SVOP: variants seen among roughly 807,000 people sequenced by gnomAD.
The protein encoded by SVOP is SV2 related protein, also known as synaptic vesicle 2-related protein.
Under a neutral mutation model 69.1 loss-of-function variants are expected in SVOP, and 17 were observed. That is an observed-to-expected ratio of 0.25 (90% CI 0.17 to 0.37). The LOEUF is 0.37. SVOP is among the 10% of genes least tolerant of loss of function. The pLI is 1.00. For missense variants in SVOP, 435 were observed against 597.5 expected, an observed-to-expected ratio of 0.73 and a Z score of 2.84; for synonymous variants, 238 against 238.6, an observed-to-expected ratio of 1.00 and a Z score of 0.02.
chr12:108,996,009 TACAC>T (rs148548353), intron 1 of SVOP, among the ~76,000 whole-genome samples: 1 of 151,514 alleles, frequency 6.6e-6, no homozygotes, highest in South Asian at 2.1e-4. Context: ...CATACATACA[TACAC>T]ACACACACGC....
At chr12:108,947,689 G>A (rs999366230) in intron 6 of SVOP, among the ~76,000 whole-genome samples, 1 of 152,072 alleles carries the variant, frequency 6.6e-6, no homozygotes, top group Non-Finnish European at 1.5e-5. Context: ...GACAGGGAAG[G>A]GAACTTTTAA....
chr12:108,915,872 C>T lies in SVOP; in HGVS notation c.1351G>A (p.Val451Ile). 1 of 1,599,944 alleles carries T rather than the reference C, an allele frequency of 6.3e-7. No homozygotes were observed. Residue 451 changes from valine (V) to isoleucine (I), a missense_variant and splice_region_variant, in exon 15 of 16, where the codon GTC becomes ATC. Val to Ile is a conservative substitution (Grantham distance 29, BLOSUM62 3). Coordinates refer to ENST00000610966, the MANE Select transcript of SVOP (RefSeq NM_018711.5). The stretch of plus-strand genomic sequence containing the variant: ...AGGGCCCGCGTTGCCGTGGGGTAGA[C>T]CTGAAACACAGCAGCCGGATATAGG... Reference protein sequence around the residue: ...FQAAYVYTPEVYPTATRALGL... With the variant: ...FQAAYVYTPEIYPTATRALGL...
chr12:108,962,880 G>A (rs1039745810), intron 5 of SVOP, among the ~76,000 whole-genome samples: 1 of 152,004 alleles, frequency 6.6e-6, no homozygotes, highest in South Asian at 2.1e-4. Context: ...CAGGAGAATT[G>A]CTTGAACCTG....
Position 108,946,690 on chromosome 12 carries a change from TTTATTATTATTATTA to T in SVOP, c.579-1539_579-1525del, listed in dbSNP as rs370752888. On this transcript the variant is annotated intron_variant, in intron 6 of 15. Transcript: ENST00000610966. ...TTTATTCCATGAGTTGCAACCTGTT[TTTATTATTATTATTA>T]TTATTATTATTATTATTATTATTAT... Among the ~76,000 whole-genome samples the T allele has an allele frequency of 1.7e-3, 238 of 136,514 alleles. 1 individual carries two copies. Among genetic ancestry groups the T allele is most frequent in the African/African-American group, 5.0e-3 (182 of 36,630 alleles). 89.6% of individuals were successfully genotyped at this position (136,514 alleles called of 152,430 possible).
At chr12:108,962,258 C>T (rs1366646571) in intron 5 of SVOP, among the ~76,000 whole-genome samples, 2 of 152,044 alleles carry the variant, frequency 1.3e-5, no homozygotes, top group Non-Finnish European at 2.9e-5. Flanking sequence ...GCCACCATGC[C>T]TGGCTAATTT....
At chr12:108,954,378 A>G (rs918484262) in intron 6 of SVOP, among the ~76,000 whole-genome samples, 1 of 152,192 alleles carries the variant, frequency 6.6e-6, no homozygotes, top group African/African-American at 2.4e-5. Flanking sequence ...CAATAAACAC[A>G]TGGAAGGGCT....
chr12:109,017,708 T>C (rs960058769), intron 1 of SVOP, among the ~76,000 whole-genome samples: 2 of 151,692 alleles, frequency 1.3e-5, no homozygotes, highest in Non-Finnish European at 2.9e-5. Context: ...GCCTGACTAA[T>C]TTTTTTTGTA....
At chr12:108,976,811 C>T (rs141841103) in intron 4 of SVOP, among the ~76,000 whole-genome samples, 101,727 of 151,796 alleles carry the variant, frequency 0.67, 34,589 homozygotes, top group East Asian at 0.79. Flanking sequence ...GATGGGGTTT[C>T]ACCATATTGG....
Position 109,016,870 on chromosome 12 carries a change from G to A in SVOP, c.35+3964C>T, listed in dbSNP as rs546298582. Among the ~76,000 whole-genome samples the A allele has an allele frequency of 8.6e-5, 13 of 151,640 alleles. No homozygotes were observed. In the South Asian group the frequency reaches 2.7e-3, roughly 31 times the overall value. On this transcript the variant is annotated intron_variant, in intron 1 of 15. Transcript: ENST00000610966. ...CAATCCTCCTGCCTCAGCCTCCCTAGTAGTTGGGGCCACAGGCATGAGCCA... is the reference window on the plus strand; with the variant it reads ...CAATCCTCCTGCCTCAGCCTCCCTAATAGTTGGGGCCACAGGCATGAGCCA...
chr12:108,991,614 C>T (rs1017417163), intron 1 of SVOP, among the ~76,000 whole-genome samples: 8 of 151,894 alleles, frequency 5.3e-5, no homozygotes, highest in African/African-American at 1.9e-4. Context: ...TGCCACCACG[C>T]CTGGCTAATT....
In SVOP at chr12:108,943,821, GCTCCTC is replaced by G. The variant is rs367781130; in HGVS notation, c.642+1276_642+1281del. On this transcript the variant is annotated intron_variant, in intron 7 of 15. Coordinates refer to ENST00000610966, the MANE Select transcript of SVOP (RefSeq NM_018711.5). Reference sequence around the variant, plus strand: ...TTCTTCTCTTTCTCCTCCTCCTCCTGCTCCTCCTCCTCCTCCTCCTCCTTCTTCTCC... The same window carrying G: ...TTCTTCTCTTTCTCCTCCTCCTCCTGCTCCTCCTCCTCCTCCTTCTTCTCC... 9.9e-3 allele frequency among the ~76,000 whole-genome samples: 1,454 copies of G among 147,058 alleles called. 25 individuals carry two copies. The highest frequency in any genetic ancestry group is 0.036 in the African/African-American group (1,357 of 37,510).
chr12:108,940,581 T>C (rs1213846125), intron 8 of SVOP, among the ~76,000 whole-genome samples: 1 of 152,284 alleles, frequency 6.6e-6, no homozygotes, highest in East Asian at 1.9e-4. Flanking sequence ...CCAGAAAACA[T>C]CCCAGAAGTG....
chr12:108,948,822 T>A (rs578026375), intron 6 of SVOP, among the ~76,000 whole-genome samples: 2 of 152,348 alleles, frequency 1.3e-5, no homozygotes, highest in Non-Finnish European at 2.9e-5. Context: ...TAAACCCTGA[T>A]AATAGAAACC....
chr12:109,010,001 T>G (rs762861026), intron 1 of SVOP, among the ~76,000 whole-genome samples: 3 of 151,840 alleles, frequency 2.0e-5, no homozygotes, highest in African/African-American at 4.8e-5. Context: ...CTCACACCTT[T>G]AAGCCCAGCA....
At chr12:108,979,294 C>T (rs540936550) in intron 2 of SVOP, among the ~76,000 whole-genome samples, 6 of 152,196 alleles carry the variant, frequency 3.9e-5, no homozygotes, top group South Asian at 2.1e-4. Flanking sequence ...GGCTGGAACT[C>T]GGTGGTACAA....
At chr12:108,957,119 G>A (rs2039989713) in intron 6 of SVOP, among the ~76,000 whole-genome samples, 2 of 152,018 alleles carry the variant, frequency 1.3e-5, no homozygotes. Flanking sequence ...AGAGGTCCTG[G>A]CTCCCAGGGA....
chr12:108,966,951 A>G (rs140591609), intron 5 of SVOP, among the ~76,000 whole-genome samples: 21,612 of 152,186 alleles, frequency 0.14, 1,778 homozygotes, highest in Middle Eastern at 0.26. Flanking sequence ...GTATAATAAT[A>G]GACATTTATG....
intron 4 of SVOP, among the ~76,000 whole-genome samples, chr12:108,974,662 C>G (rs1258123721): frequency 6.6e-6 from 1 of 151,028 alleles, no homozygotes; most frequent in Non-Finnish European, 1.5e-5. Context: ...ACTTAGAAGG[C>G]GAAGGTTGCA....
At chr12:108,974,936 GA>G (rs1388704440) in intron 4 of SVOP, among the ~76,000 whole-genome samples, 1 of 152,056 alleles carries the variant, frequency 6.6e-6, no homozygotes, top group East Asian at 1.9e-4. Flanking sequence ...ATTTTATTTT[GA>G]TTTTTATATT....
Sources: gnomAD v4.1 joint callset for allele counts (sites outside exome capture counted in the v4.1 genomes callset) on GRCh38, gnomAD v4.1.1 for gene constraint, MANE v1.5 for transcripts, NCBI Gene and HGNC (gene_info 2026-07-23, HGNC 2026-07-21) for gene names.